PTPRT: variants seen among roughly 807,000 people sequenced by gnomAD.
PTPRT encodes the protein receptor-type tyrosine-protein phosphatase T.
In PTPRT, 56 loss-of-function variants were observed where a neutral mutation model predicts 176.8. The observed-to-expected ratio is 0.32, with a 90% confidence interval of 0.26 to 0.40. PTPRT has a LOEUF of 0.40. PTPRT is among the 10% of genes least tolerant of loss of function. PTPRT has a pLI of 1.00. For synonymous variants in PTPRT, 783 were observed against 739.0 expected (o/e 1.06, Z -0.96); for missense variants, 1,540 against 1,908.2 (o/e 0.81, Z 3.60).
At chr20:42,718,493 C>T in intron 6 of PTPRT, among the ~76,000 whole-genome samples, 1 of 151,996 alleles carries the variant, frequency 6.6e-6, no homozygotes, top group African/African-American at 2.4e-5. Context: ...GCCGAGATTG[C>T]GCCACTGCAC....
At chr20:42,901,271 G>T (rs1452857466) in intron 1 of PTPRT, among the ~76,000 whole-genome samples, 1 of 152,054 alleles carries the variant, frequency 6.6e-6, no homozygotes, top group East Asian at 1.9e-4. Context: ...TGTTGGGTCT[G>T]TCCACCCCAA....
chr20:43,047,542 A>G (rs1383326741), intron 1 of PTPRT, among the ~76,000 whole-genome samples: 1 of 152,226 alleles, frequency 6.6e-6, no homozygotes, highest in African/African-American at 2.4e-5. Context: ...GAGACATGAG[A>G]AAATTAATGT....
At chr20:42,740,473 T>C (rs904852926) in intron 6 of PTPRT, among the ~76,000 whole-genome samples, 1 of 152,178 alleles carries the variant, frequency 6.6e-6, no homozygotes, top group Non-Finnish European at 1.5e-5. Flanking sequence ...TGCCGAGTCC[T>C]CCTGCCCTTA....
chr20:42,133,861 G>A (rs1988249831), intron 18 of PTPRT, among the ~76,000 whole-genome samples: 1 of 152,120 alleles, frequency 6.6e-6, no homozygotes, highest in African/African-American at 2.4e-5. Context: ...AAAATGCTAG[G>A]ACAATGCCTG....
chr20:42,914,108 T>C (rs1323607963), intron 1 of PTPRT, among the ~76,000 whole-genome samples: 1 of 152,208 alleles, frequency 6.6e-6, no homozygotes, highest in Non-Finnish European at 1.5e-5. Context: ...ACTTGTGTAG[T>C]TGTCCTCTAT....
At chr20:42,634,224 A>C (rs1217552345) in intron 7 of PTPRT, among the ~76,000 whole-genome samples, 1 of 138,450 alleles carries the variant, frequency 7.2e-6, no homozygotes, top group African/African-American at 2.7e-5. Context: ...AATATGAAAC[A>C]TGACTGGTCT....
At chr20:42,447,070 G>A (rs2070746846) in intron 9 of PTPRT, among the ~76,000 whole-genome samples, 1 of 152,128 alleles carries the variant, frequency 6.6e-6, no homozygotes, top group Non-Finnish European at 1.5e-5. Flanking sequence ...GATTAATCTT[G>A]AGTACTTTTC....
chr20:42,186,858 T>C (rs1990803014), intron 16 of PTPRT, among the ~76,000 whole-genome samples: 2 of 152,030 alleles, frequency 1.3e-5, no homozygotes, highest in Non-Finnish European at 2.9e-5. Flanking sequence ...AATAGATGGA[T>C]TCTAGATATA....
At chr20:42,312,481 G>T (rs2057648936) in intron 12 of PTPRT, among the ~76,000 whole-genome samples, 1 of 152,154 alleles carries the variant, frequency 6.6e-6, no homozygotes, top group Non-Finnish European at 1.5e-5. Context: ...ACTCTTCTCA[G>T]TAAAATTTAA....
rs759692529 is a variant in PTPRT, at chr20:43,073,476, T to TAC, written c.88+116169_88+116170insGT. On this transcript the variant is annotated intron_variant, in intron 1 of 30. Transcript: ENST00000373187. Reference sequence around the variant, plus strand: ...TATGTAGAAAGCACAGGAATATATATATATACACACACACACACGTGTGCT... The same window carrying TAC: ...TATGTAGAAAGCACAGGAATATATATACATATACACACACACACACGTGTGCT... Among the ~76,000 whole-genome samples the TAC allele has an allele frequency of 8.3e-5, 7 of 83,960 alleles. No homozygotes were observed. In the South Asian group the frequency reaches 1.9e-3, roughly 23 times the overall value. 55.1% of individuals were successfully genotyped at this position (83,960 alleles called of 152,430 possible).
intron 1 of PTPRT, among the ~76,000 whole-genome samples, chr20:43,061,482 C>T (rs78528423): frequency 0.026 from 4,009 of 152,248 alleles, 178 homozygotes; most frequent in African/African-American, 0.092. Context: ...CTCCTTGGAC[C>T]GTGAGCCCAG....
intron 9 of PTPRT, among the ~76,000 whole-genome samples, chr20:42,361,660 A>G (rs935504314): frequency 6.6e-6 from 1 of 152,108 alleles, no homozygotes; most frequent in Non-Finnish European, 1.5e-5. Context: ...GCCCCAGCTG[A>G]GTCCAGTCAT....
chr20:42,706,444 C>G (rs902708358), intron 6 of PTPRT, among the ~76,000 whole-genome samples: 1 of 151,828 alleles, frequency 6.6e-6, no homozygotes, highest in Admixed American at 6.6e-5. Context: ...AGTGGATGTA[C>G]TAGGTACGTA....
At chr20:42,998,968 C>T (rs1984377003) in intron 1 of PTPRT, among the ~76,000 whole-genome samples, 1 of 152,222 alleles carries the variant, frequency 6.6e-6, no homozygotes, top group African/African-American at 2.4e-5. Context: ...ACTACTTCTC[C>T]AACCATTTCC....
rs539937548 is a variant in PTPRT, at chr20:43,138,535, C to T, written c.88+51111G>A. 4.6e-5 allele frequency among the ~76,000 whole-genome samples: 7 copies of T among 152,300 alleles called. No individual in the cohort carries two copies. In the East Asian group the frequency reaches 5.8e-4, roughly 13 times the overall value. On this transcript the variant is annotated intron_variant, in intron 1 of 30. Transcript: ENST00000373187. ...TGAGGACTGAGTGAAACAAAATACC[C>T]GAGGACCTTTGTACCGGGCACAGGT...
At chr20:43,097,969 G>A (rs1600711707) in intron 1 of PTPRT, among the ~76,000 whole-genome samples, 2 of 152,304 alleles carry the variant, frequency 1.3e-5, no homozygotes, top group East Asian at 3.9e-4. Flanking sequence ...TACAAAGCAA[G>A]CAGGGAGGCT....
intron 7 of PTPRT, among the ~76,000 whole-genome samples, chr20:42,666,628 A>C (rs374231102): frequency 6.6e-6 from 1 of 152,208 alleles, no homozygotes; most frequent in East Asian, 1.9e-4. Flanking sequence ...CTATCCTCAC[A>C]ATATTAAATT....
At chr20:42,289,263 A>C (rs1453010432) in intron 12 of PTPRT, among the ~76,000 whole-genome samples, 1 of 152,092 alleles carries the variant, frequency 6.6e-6, no homozygotes, top group Non-Finnish European at 1.5e-5. Flanking sequence ...ACACAAACGA[A>C]AATTGACTAT....
chr20:43,130,814 C>CA (rs77205622), intron 1 of PTPRT, among the ~76,000 whole-genome samples: 16,198 of 117,030 alleles, frequency 0.14, 1,141 homozygotes, highest in Non-Finnish European at 0.2. Context: ...GAAGGATTTT[C>CA]AAAAAAAAAA....
Sources: allele counts gnomAD v4.1 joint callset (sites outside exome capture counted in the v4.1 genomes callset), GRCh38; gene constraint gnomAD v4.1.1; transcripts MANE v1.5; gene names NCBI Gene and HGNC (gene_info 2026-07-23, HGNC 2026-07-21).